DNAJC15: variants seen among roughly 807,000 people sequenced by gnomAD.
DNAJC15 encodes the protein dnaJ homolog subfamily C member 15.
A neutral mutation model predicts 22.4 loss-of-function variants in DNAJC15; 27 were observed. The ratio of observed to expected loss-of-function variants is 1.20; its 90% CI spans 0.89 to 1.66. DNAJC15 has a LOEUF of 1.66. Ranked by LOEUF, DNAJC15 falls within the 40% of genes most tolerant of loss-of-function variation. The probability of loss-of-function intolerance (pLI) is 0.00; values close to 1 mark genes in which losing one functional copy is unlikely to be tolerated. For synonymous variants in DNAJC15, 79 were observed against 63.2 expected, an observed-to-expected ratio of 1.25 and a Z score of -1.19; for missense variants, 208 against 187.1, an observed-to-expected ratio of 1.11 and a Z score of -0.65.
Position 43,065,736 on chromosome 13 carries a change from A to G in DNAJC15, c.159A>G (p.Ala53=), listed in dbSNP as rs1158263703. Residue 53 remains alanine (A), a splice_region_variant and synonymous_variant, in exon 2 of 6, where the codon GCA becomes GCG. Coordinates refer to ENST00000379221, the MANE Select transcript of DNAJC15 (RefSeq NM_013238.3). ...VGLGVAALAF[A]GRYAFRIWKP... ...TGGGTGTTGCAGCTCTTGCATTTGC[A>G]GGTAAGATAAAGAATACATACCAAT... 4 of 1,613,006 alleles carry G rather than the reference A, an allele frequency of 2.5e-6. No homozygotes were observed. The highest frequency in any genetic ancestry group is 2.5e-6 in the Non-Finnish European group (3 of 1,179,582).
chr13:43,085,852 C>T lies in DNAJC15; in HGVS notation c.382+14C>T, dbSNP rs1469657825. 3.1e-6 allele frequency: 5 copies of T among 1,605,448 alleles called. No homozygotes were observed. Among genetic ancestry groups the T allele is most frequent in the African/African-American group, 2.7e-5 (2 of 74,644 alleles). On this transcript the variant is annotated intron_variant, in intron 5 of 5. Coordinates refer to ENST00000379221, the MANE Select transcript of DNAJC15 (RefSeq NM_013238.3). ...ACCCAGATAAAGGTAGGTAGAATTC[C>T]TATTTTTCATAATATGTATATCAAA...
At chr13:43,023,765 C>G in intron 1 of DNAJC15, 31 bp downstream of exon 1, 1 of 1,569,952 alleles carries the variant, frequency 6.4e-7, no homozygotes, top group Non-Finnish European at 8.6e-7. Flanking sequence ...CCACCCCTCT[C>G]TGGCTCCCTT....
intron 3 of DNAJC15, among the ~76,000 whole-genome samples, chr13:43,076,925 A>G (rs2040636533): frequency 6.6e-6 from 1 of 152,192 alleles, no homozygotes; most frequent in Non-Finnish European, 1.5e-5. Flanking sequence ...CTTGACTTGT[A>G]GTTACCATCC....
chr13:43,042,232 G>T (rs2040457548), intron 1 of DNAJC15, among the ~76,000 whole-genome samples: 1 of 152,042 alleles, frequency 6.6e-6, no homozygotes, highest in Non-Finnish European at 1.5e-5. Flanking sequence ...TATAAATTAG[G>T]TACAGTAAGA....
At chr13:43,090,053 C>T (rs2040706799) in intron 5 of DNAJC15, among the ~76,000 whole-genome samples, 2 of 152,220 alleles carry the variant, frequency 1.3e-5, no homozygotes, top group East Asian at 3.9e-4. Flanking sequence ...TGGATTATAA[C>T]CTGTTAAAAG....
chr13:43,090,396 A>G (rs1481698986), intron 5 of DNAJC15, among the ~76,000 whole-genome samples: 1 of 152,214 alleles, frequency 6.6e-6, no homozygotes, highest in Non-Finnish European at 1.5e-5. Context: ...GTTGTAGTTC[A>G]TTACGTAGGA....
chr13:43,107,175 C>G lies in DNAJC15; in HGVS notation c.383-3C>G, dbSNP rs1405266856. On this transcript the variant is annotated splice_polypyrimidine_tract_variant and splice_region_variant and intron_variant, in intron 5 of 5. Transcript: ENST00000379221. ...TTTAATTCATTTTTCTTTGTTCTCT[C>G]AGGTGGATCTCCTTACGTAGCAGCC... 1 of 1,563,066 alleles carries G rather than the reference C, an allele frequency of 6.4e-7. No individual in the cohort carries two copies. Among genetic ancestry groups the G allele is most frequent in the Non-Finnish European group, 8.6e-7 (1 of 1,159,978 alleles).
chr13:43,024,913 T>TAAAAAAAAAAAAAAAAAAAA (rs1566197494), intron 1 of DNAJC15, among the ~76,000 whole-genome samples: 12 of 47,162 alleles, frequency 2.5e-4, no homozygotes, highest in African/African-American at 1.0e-3. Context: ...AAAAAAAAAT[T>TAAAAAAAAAAAAAAAAAAAA]AGCTGGGTGT....
chr13:43,095,010 T>A (rs1467440410), intron 5 of DNAJC15, among the ~76,000 whole-genome samples: 1 of 152,202 alleles, frequency 6.6e-6, no homozygotes, highest in East Asian at 1.9e-4. Context: ...TTTTTAGTGG[T>A]TGTTTCATTT....
chr13:43,049,855 A>C (rs2040494778), intron 1 of DNAJC15, among the ~76,000 whole-genome samples: 1 of 152,212 alleles, frequency 6.6e-6, no homozygotes, highest in African/African-American at 2.4e-5. Flanking sequence ...GGTAGTAGAT[A>C]AATTTTTTTC....
At chr13:43,090,109 A>G (rs1029668794) in intron 5 of DNAJC15, among the ~76,000 whole-genome samples, 1 of 152,242 alleles carries the variant, frequency 6.6e-6, no homozygotes, top group African/African-American at 2.4e-5. Flanking sequence ...GCAATGAATG[A>G]TTCATGAATT....
intron 5 of DNAJC15, among the ~76,000 whole-genome samples, chr13:43,098,248 C>G (rs377428931): frequency 2.0e-5 from 3 of 152,116 alleles, no homozygotes; most frequent in African/African-American, 7.2e-5. Flanking sequence ...CTAGCTGGAA[C>G]GTAAGACATC....
At chr13:43,103,331 G>A (rs2040780408) in intron 5 of DNAJC15, among the ~76,000 whole-genome samples, 1 of 151,782 alleles carries the variant, frequency 6.6e-6, no homozygotes, top group Non-Finnish European at 1.5e-5. Flanking sequence ...CAATGAAAAT[G>A]AAATTATGAG....
At chr13:43,056,809 G>A (rs987876325) in intron 1 of DNAJC15, among the ~76,000 whole-genome samples, 1 of 151,948 alleles carries the variant, frequency 6.6e-6, no homozygotes, top group Admixed American at 6.6e-5. Flanking sequence ...AGTCTGTTTT[G>A]TCTGTTGTAA....
chr13:43,074,243 T>C (rs1363979576), intron 3 of DNAJC15, among the ~76,000 whole-genome samples: 1 of 152,210 alleles, frequency 6.6e-6, no homozygotes, highest in Non-Finnish European at 1.5e-5. Context: ...ATGAATTAGC[T>C]AATGAATACT....
In DNAJC15 at chr13:43,112,988, G is replaced by C. The variant is rs568512351; in HGVS notation, c.*5740G>C. The C allele has an allele frequency of 6.6e-6, 1 of 152,308 alleles. No homozygotes were observed. The highest frequency in any genetic ancestry group is 1.9e-4 in the East Asian group (1 of 5,190). The allele number at this position is 152,308 out of a possible 1,614,324, so 9.4% of individuals were successfully genotyped here. A position where few individuals can be genotyped will look rare whatever the true frequency, so the allele number is the denominator to read the frequency against. On this transcript the variant is annotated 3_prime_UTR_variant, in exon 6 of 6. Coordinates refer to ENST00000379221, the MANE Select transcript of DNAJC15 (RefSeq NM_013238.3). ...CTTTAATTCTTCCCTGGAAGCTTAC[G>C]ATGTCCATCCAAGTGCACATAGCAA... is the stretch of plus-strand genomic sequence containing the variant.
rs1366342173 is a variant in DNAJC15 at position 43,111,876 on chromosome 13, T to G, written c.*4628T>G. On this transcript the variant is annotated 3_prime_UTR_variant, in exon 6 of 6. Transcript: ENST00000379221. The stretch of plus-strand genomic sequence containing the variant: ...AATGGCTGGATCAGTATCATCTACT[T>G]GTCAAAAACATTCCATGAATTATGA... 4 of 152,224 alleles carry G rather than the reference T, an allele frequency of 2.6e-5. No homozygotes were observed. The highest frequency in any genetic ancestry group is 6.5e-5 in the Admixed American group (1 of 15,290). 9.4% of individuals were successfully genotyped at this position (152,224 alleles called of 1,614,324 possible). A position where few individuals can be genotyped will look rare whatever the true frequency, so the allele number is the denominator to read the frequency against.
chr13:43,033,067 A>G (rs1242024218), intron 1 of DNAJC15, among the ~76,000 whole-genome samples: 1 of 152,096 alleles, frequency 6.6e-6, no homozygotes, highest in Non-Finnish European at 1.5e-5. Context: ...TCTTGCAAGA[A>G]CTCACTATCA....
chr13:43,054,668 C>T (rs1267917821), intron 1 of DNAJC15, among the ~76,000 whole-genome samples: 1 of 152,082 alleles, frequency 6.6e-6, no homozygotes, highest in African/African-American at 2.4e-5. Context: ...TCCATCTCCT[C>T]TAGGTTTTCT....
Sources: gnomAD v4.1 joint callset for allele counts (sites outside exome capture counted in the v4.1 genomes callset) on GRCh38, gnomAD v4.1.1 for gene constraint, MANE v1.5 for transcripts, NCBI Gene and HGNC (gene_info 2026-07-23, HGNC 2026-07-21) for gene names.